Variants in ATF2 observed in about 807,000 individuals in gnomAD.
ATF2 encodes activating transcription factor 2.
ATF2 carries 24 observed loss-of-function variants against 60.6 expected under a neutral mutation model. The observed-to-expected ratio is 0.40, with a 90% CI of 0.29 to 0.56. The LOEUF is 0.56. ATF2 is among the 20% of genes least tolerant of loss of function. The probability of loss-of-function intolerance (pLI) is 0.54; values close to 1 mark genes in which losing one functional copy is unlikely to be tolerated. For synonymous variants in ATF2, 206 were observed against 215.4 expected, an observed-to-expected ratio of 0.96 and a Z score of 0.38; for missense variants, 433 against 607.7, an observed-to-expected ratio of 0.71 and a Z score of 3.02.
At chr2:175,129,926 C>A (rs77844968) in intron 4 of ATF2, among the ~76,000 whole-genome samples, 2 of 151,910 alleles carry the variant, frequency 1.3e-5, no homozygotes, top group African/African-American at 2.4e-5. Flanking sequence ...AATGCTCCCC[C>A]CCTCCGTATT....
At chr2:175,091,779 C>T (rs1694566249) in intron 12 of ATF2, among the ~76,000 whole-genome samples, 1 of 152,198 alleles carries the variant, frequency 6.6e-6, no homozygotes, top group Non-Finnish European at 1.5e-5. Flanking sequence ...AGGAGAATCA[C>T]TGGCACCCGG....
chr2:175,167,051 C>G (rs1045974561), intron 1 of ATF2, among the ~76,000 whole-genome samples: 1 of 152,154 alleles, frequency 6.6e-6, no homozygotes, highest in Admixed American at 6.5e-5. Context: ...TAAGGTCCAT[C>G]AGGAGTAATC....
At chr2:175,165,082 C>T (rs1322930434) in intron 1 of ATF2, among the ~76,000 whole-genome samples, 1 of 152,178 alleles carries the variant, frequency 6.6e-6, no homozygotes, top group Non-Finnish European at 1.5e-5. Context: ...CTCAGCCTCC[C>T]AAAGTGCTGG....
rs1203847497 is a variant in ATF2 at position 175,142,192 on chromosome 2, T to C, written c.-43-5706A>G. ...CTCTTTCCAGTTTTCTTTTCTTTTT[T>C]TTTTTTTTTTTGAGACAGACTCTCG... On this transcript the variant is annotated intron_variant, in intron 2 of 13. Coordinates refer to ENST00000264110, the MANE Select transcript of ATF2 (RefSeq NM_001880.4). Among the ~76,000 whole-genome samples, 16 of 151,002 alleles carry C rather than the reference T, an allele frequency of 1.1e-4. 2 individuals carry two copies. Among genetic ancestry groups the C allele is most frequent in the African/African-American group, 3.4e-4 (14 of 41,216 alleles).
At chr2:175,137,650 G>A (rs1327536842) in intron 2 of ATF2, among the ~76,000 whole-genome samples, 3 of 152,090 alleles carry the variant, frequency 2.0e-5, no homozygotes, top group African/African-American at 7.2e-5. Flanking sequence ...AGAGTAGAGA[G>A]GTAGTGGAGG....
intron 12 of ATF2, 150 bp from the exon 13 acceptor site, chr2:175,080,915 C>G (rs1348984286): frequency 1.9e-6 from 1 of 523,548 alleles, no homozygotes; most frequent in African/African-American, 1.9e-5. Context: ...CTAATCAGCA[C>G]AGGGCAGCTT....
chr2:175,080,512 C>A (rs950122281), intron 13 of ATF2, 148 bp downstream of exon 13: 1 of 554,668 alleles, frequency 1.8e-6, no homozygotes. Flanking sequence ...TACCTCTCTA[C>A]TGCATTCTAT....
chr2:175,091,468 A>AT (rs1694542419), intron 12 of ATF2, among the ~76,000 whole-genome samples: 1 of 152,180 alleles, frequency 6.6e-6, no homozygotes, highest in South Asian at 2.1e-4. Context: ...TAAAATAGCC[A>AT]TTTTTGCAGC....
chr2:175,137,002 A>AT (rs1673206006), intron 2 of ATF2, among the ~76,000 whole-genome samples: 1 of 152,176 alleles, frequency 6.6e-6, no homozygotes, highest in Non-Finnish European at 1.5e-5. Flanking sequence ...TTGATGACCC[A>AT]TTTTTAAAAC....
chr2:175,154,149 G>A (rs978765606), intron 1 of ATF2, among the ~76,000 whole-genome samples: 12 of 150,964 alleles, frequency 7.9e-5, no homozygotes, highest in Admixed American at 6.6e-4. Flanking sequence ...GGGAGGCGGC[G>A]GTTGCAGTGA....
intron 12 of ATF2, among the ~76,000 whole-genome samples, chr2:175,089,556 C>T (rs1694400301): frequency 6.6e-6 from 1 of 152,156 alleles, no homozygotes. Context: ...ATTTCTCTGA[C>T]ATTCAATTTT....
intron 13 of ATF2, among the ~76,000 whole-genome samples, chr2:175,076,356 A>C (rs1693291766): frequency 6.6e-6 from 1 of 152,080 alleles, no homozygotes; most frequent in Non-Finnish European, 1.5e-5. Context: ...CACCACCACC[A>C]CCAACCACCA....
chr2:175,084,542 C>T (rs1182675542), intron 12 of ATF2, among the ~76,000 whole-genome samples: 1 of 145,602 alleles, frequency 6.9e-6, no homozygotes, highest in Non-Finnish European at 1.5e-5. Flanking sequence ...ATACCTAATG[C>T]TAAATGACGA....
intron 4 of ATF2, among the ~76,000 whole-genome samples, chr2:175,124,766 G>C (rs1697208208): frequency 6.6e-6 from 1 of 152,012 alleles, no homozygotes; most frequent in Admixed American, 6.6e-5. Flanking sequence ...AGCTTATAAT[G>C]TGTAAACATT....
intron 4 of ATF2, among the ~76,000 whole-genome samples, chr2:175,122,697 G>C (rs1212478475): frequency 2.6e-5 from 4 of 151,994 alleles, no homozygotes; most frequent in Non-Finnish European, 5.9e-5. Context: ...CTTGGTTATA[G>C]CACCTATCAT....
intron 10 of ATF2, among the ~76,000 whole-genome samples, chr2:175,102,397 A>C (rs1469709899): frequency 6.6e-6 from 1 of 152,210 alleles, no homozygotes; most frequent in Non-Finnish European, 1.5e-5. Flanking sequence ...TAAGATCAAA[A>C]ATCTCTCTCA....
At chr2:175,134,539 T>C (rs143367455) in intron 3 of ATF2, among the ~76,000 whole-genome samples, 1,835 of 145,242 alleles carry the variant, frequency 0.013, 34 homozygotes, top group African/African-American at 0.045. Flanking sequence ...GAAAACTGGT[T>C]TAAAAAAAAA....
chr2:175,127,555 C>T (rs1697420832), intron 4 of ATF2, among the ~76,000 whole-genome samples: 1 of 152,136 alleles, frequency 6.6e-6, no homozygotes, highest in Non-Finnish European at 1.5e-5. Flanking sequence ...AAAACCCAAA[C>T]ACCTTATCAT....
chr2:175,105,968 T>TGCACAGAGGAAATTTTATA (rs1459121823), intron 10 of ATF2, among the ~76,000 whole-genome samples: 1 of 152,254 alleles, frequency 6.6e-6, no homozygotes, highest in East Asian at 1.9e-4. Context: ...TCAAAATTTG[T>TGCACAGAGGAAATTTTATA]GCACAGAGGA....
Sources: gnomAD v4.1 joint callset for allele counts (sites outside exome capture counted in the v4.1 genomes callset) on GRCh38, gnomAD v4.1.1 for gene constraint, MANE v1.5 for transcripts, NCBI Gene and HGNC (gene_info 2026-07-23, HGNC 2026-07-21) for gene names.